Variants in SUZ12 observed in about 807,000 individuals in gnomAD.
The protein encoded by SUZ12 is SUZ12 polycomb repressive complex 2 subunit.
Under a neutral mutation model 87.3 loss-of-function variants are expected in SUZ12, and 17 were observed. The ratio of observed to expected loss-of-function variants is 0.19; its 90% CI spans 0.13 to 0.29. The LOEUF (loss-of-function observed/expected upper bound fraction) is 0.29. SUZ12 is among the 10% of genes least tolerant of loss of function. SUZ12 has a pLI of 1.00. For missense variants in SUZ12, 526 were observed against 912.2 expected (o/e 0.58, Z 5.45); for synonymous variants, 253 against 312.4 (o/e 0.81, Z 2.01).
intron 4 of SUZ12, 51 bp downstream of exon 4, chr17:31,947,736 A>G (rs1906717800): frequency 1.3e-6 from 2 of 1,533,812 alleles, no homozygotes; most frequent in Non-Finnish European, 8.8e-7. Context: ...GGAAAGAGGA[A>G]AAATTACAGT....
At chr17:31,989,785 AT>A (rs1909616041) in intron 10 of SUZ12, among the ~76,000 whole-genome samples, 1 of 74,300 alleles carries the variant, frequency 1.3e-5, no homozygotes, top group African/African-American at 4.8e-5. Flanking sequence ...TTTTTTTTGT[AT>A]TTTTAGTAGA....
rs1567830359 is a variant in SUZ12 at position 31,979,128 on chromosome 17, AT to A, written c.917+2516del. Among the ~76,000 whole-genome samples the A allele has an allele frequency of 9.2e-4, 116 of 125,454 alleles. 3 individuals are homozygous for A. Among genetic ancestry groups the A allele is most frequent in the East Asian group, 3.2e-3 (12 of 3,702 alleles). The allele number at this position is 125,454 out of a possible 152,430, so 82.3% of individuals were successfully genotyped here. A position where few individuals can be genotyped will look rare whatever the true frequency, so the allele number is the denominator to read the frequency against. On this transcript the variant is annotated intron_variant, in intron 8 of 15. Coordinates refer to ENST00000322652, the MANE Select transcript of SUZ12 (RefSeq NM_015355.4). ...CAAAAAAAAAAAAAAAAAAAAAAGA[AT>A]TCAAAACGATAGGAAAGTTGAAAGA...
At chr17:31,990,028 C>T (rs527859491) in intron 10 of SUZ12, among the ~76,000 whole-genome samples, 2 of 151,340 alleles carry the variant, frequency 1.3e-5, no homozygotes, top group East Asian at 3.9e-4. Flanking sequence ...GATCTCAGCT[C>T]ACTGCAAGCT....
intron 8 of SUZ12, among the ~76,000 whole-genome samples, chr17:31,981,003 G>A (rs1439918524): frequency 6.6e-6 from 1 of 151,600 alleles, no homozygotes; most frequent in African/African-American, 2.4e-5. Flanking sequence ...CTGCACTCTA[G>A]CCTGGGTGAC....
chr17:31,991,590 A>C (rs542104939), intron 10 of SUZ12, among the ~76,000 whole-genome samples: 1 of 151,916 alleles, frequency 6.6e-6, no homozygotes, highest in Non-Finnish European at 1.5e-5. Flanking sequence ...ATTTGTCACT[A>C]TCTTTTTAGA....
chr17:32,000,841 G>A lies in SUZ12; in HGVS notation c.*1838G>A, dbSNP rs1910220415. 1 of 225,418 alleles carries A rather than the reference G, an allele frequency of 4.4e-6. No individual in the cohort carries two copies. Among genetic ancestry groups the A allele is most frequent in the East Asian group, 6.5e-5 (1 of 15,360 alleles). 14.0% of individuals were successfully genotyped at this position (225,418 alleles called of 1,614,324 possible). On this transcript the variant is annotated 3_prime_UTR_variant, in exon 16 of 16. Coordinates refer to ENST00000322652, the MANE Select transcript of SUZ12 (RefSeq NM_015355.4). The stretch of plus-strand genomic sequence containing the variant: ...TCGTAAAAGCTGAAAAAATCCCTTT[G>A]TTTCTATTTATAAAAAAAGTGCTTT...
intron 5 of SUZ12, among the ~76,000 whole-genome samples, chr17:31,971,524 C>T (rs1206024156): frequency 1.3e-5 from 2 of 150,722 alleles, no homozygotes; most frequent in African/African-American, 4.9e-5. Flanking sequence ...GCTCCCCAAC[C>T]CCTGGTTCAA....
At chr17:31,957,474 T>G (rs1405495644) in intron 4 of SUZ12, among the ~76,000 whole-genome samples, 1 of 151,552 alleles carries the variant, frequency 6.6e-6, no homozygotes, top group Admixed American at 6.6e-5. Flanking sequence ...TACAGTGGCG[T>G]GATCTTGGCT....
At chr17:31,977,765 T>C (rs952268869) in intron 8 of SUZ12, among the ~76,000 whole-genome samples, 6 of 152,056 alleles carry the variant, frequency 3.9e-5, no homozygotes, top group African/African-American at 1.4e-4. Flanking sequence ...GGCGTGTGCC[T>C]GTAATCCCAG....
At chr17:31,943,258 C>T (rs1906413181) in intron 3 of SUZ12, among the ~76,000 whole-genome samples, 1 of 152,166 alleles carries the variant, frequency 6.6e-6, no homozygotes, top group Admixed American at 6.5e-5. Flanking sequence ...CATGCTTTTT[C>T]TGTAAAGGAC....
rs1908692117 is a variant in SUZ12, at chr17:31,975,549, A to G, written c.659A>G (p.Asn220Ser). ...CAGGTGCCTTTGAATCCTGACCTCA[A>G]TCAAACAAAACCCGGAAATTTCCCG... Reference protein sequence around the residue: ...KKQVPLNPDLNQTKPGNFPSL... With the variant: ...KKQVPLNPDLSQTKPGNFPSL... Residue 220 changes from asparagine (N) to serine (S), a missense_variant, in exon 7 of 16, where the codon AAT becomes AGT. Around this residue, in one of 9 missense-constraint regions of SUZ12, gnomAD observed 73 missense variants for 133.8 expected, o/e 0.55. Coordinates refer to ENST00000322652, the MANE Select transcript of SUZ12 (RefSeq NM_015355.4). 1.2e-6 allele frequency: 2 copies of G among 1,613,780 alleles called. No homozygotes were observed. Among genetic ancestry groups the G allele is most frequent in the Middle Eastern group, 1.6e-4 (1 of 6,078 alleles).
chr17:31,960,068 G>T (rs1448412004), intron 4 of SUZ12, among the ~76,000 whole-genome samples: 5 of 152,094 alleles, frequency 3.3e-5, no homozygotes, highest in African/African-American at 9.7e-5. Flanking sequence ...CCGTTCATCT[G>T]GTCCAGCCTA....
intron 4 of SUZ12, among the ~76,000 whole-genome samples, chr17:31,949,459 A>C (rs574179331): frequency 1.3e-5 from 2 of 152,150 alleles, no homozygotes; most frequent in African/African-American, 4.8e-5. Flanking sequence ...CACTAAGATG[A>C]ATTAAGAAAG....
chr17:31,941,240 ATTG>A (rs1164212841), intron 3 of SUZ12, among the ~76,000 whole-genome samples: 8 of 131,412 alleles, frequency 6.1e-5, no homozygotes, highest in Admixed American at 3.1e-4. Flanking sequence ...TTTTTTTTTT[ATTG>A]TTGTTGTTGT....
chr17:31,943,706 C>CT (rs748882581), intron 3 of SUZ12, among the ~76,000 whole-genome samples: 7,339 of 144,922 alleles, frequency 0.051, 561 homozygotes, highest in African/African-American at 0.17. Context: ...TTCATCAAAG[C>CT]TTTTTTTTTT....
At chr17:31,991,366 TAAATA>T (rs1555594924) in intron 10 of SUZ12, among the ~76,000 whole-genome samples, 1 of 151,028 alleles carries the variant, frequency 6.6e-6, no homozygotes, top group Non-Finnish European at 1.5e-5. Flanking sequence ...ATAAAAAATA[TAAATA>T]AAATAAGAAA....
At chr17:31,956,442 A>C (rs780618485) in intron 4 of SUZ12, among the ~76,000 whole-genome samples, 62 of 151,666 alleles carry the variant, frequency 4.1e-4, no homozygotes, top group African/African-American at 1.5e-3. Flanking sequence ...GCCCACCTCA[A>C]CCTCCCAAAC....
intron 12 of SUZ12, 65 bp downstream of exon 12, chr17:31,994,073 C>T (rs902184024): frequency 1.4e-5 from 20 of 1,448,020 alleles, no homozygotes; most frequent in Admixed American, 7.6e-5. Flanking sequence ...TAAATATATA[C>T]ATCTATGTAC....
At chr17:31,993,779 TA>T in intron 11 of SUZ12, 85 bp from the exon 12 acceptor site, 10 of 1,351,686 alleles carry the variant, frequency 7.4e-6, no homozygotes, top group Non-Finnish European at 1.0e-5. Context: ...TTAAATTTTT[TA>T]AACTATTTTT....
Sources: gnomAD v4.1 joint callset for allele counts (sites outside exome capture counted in the v4.1 genomes callset) on GRCh38, gnomAD v4.1.1 for gene constraint, gnomAD v4.1.1 regional missense constraint, MANE v1.5 for transcripts, NCBI Gene and HGNC (gene_info 2026-07-23, HGNC 2026-07-21) for gene names.